Variants in SBNO2 observed in about 807,000 individuals in gnomAD.
SBNO2 encodes strawberry notch homolog 2.
A neutral mutation model predicts 146.3 loss-of-function variants in SBNO2; 89 were observed. The ratio of observed to expected loss-of-function variants is 0.61; its 90% CI spans 0.51 to 0.73. The LOEUF is 0.73. Ranked by LOEUF, SBNO2 falls within the 30% of genes least tolerant of loss-of-function variation. The pLI, the probability that SBNO2 is intolerant of heterozygous loss-of-function variation, is 0.00. For missense variants in SBNO2, 2,092 were observed against 2,003.7 expected (o/e 1.04, Z -0.84); for synonymous variants, 1,147 against 892.6 (o/e 1.29, Z -5.08).
intron 2 of SBNO2, 51 bp downstream of exon 2, chr19:1,154,133 C>T: frequency 2.2e-6 from 2 of 927,442 alleles, no homozygotes; most frequent in Non-Finnish European, 1.4e-6. Flanking sequence ...CGGAGCGGGG[C>T]AAGTGCCCGT....
chr19:1,146,991 G>A (rs988395218), intron 4 of SBNO2, among the ~76,000 whole-genome samples: 2 of 152,170 alleles, frequency 1.3e-5, no homozygotes, highest in African/African-American at 2.4e-5. Flanking sequence ...GGCCGTGGGG[G>A]CAAAGGCTGC....
Position 1,150,374 on chromosome 19 carries a change from C to A in SBNO2, c.94-932G>T, listed in dbSNP as rs2080231014. Among the ~76,000 whole-genome samples the A allele has an allele frequency of 6.6e-6, 1 of 152,106 alleles. No individual in the cohort carries two copies. Among genetic ancestry groups the A allele is most frequent in the Non-Finnish European group, 1.5e-5 (1 of 67,976 alleles). On this transcript the variant is annotated intron_variant, in intron 2 of 31. Transcript: ENST00000361757. The surrounding 1 kb of genome is among the most constrained non-coding windows in gnomAD (Gnocchi z 6.2). The stretch of plus-strand genomic sequence containing the variant: ...CACCTCGTGCCCTGCAGAATGGGCA[C>A]CCCTCAGCAGGGCCCCCACCTGCAC...
chr19:1,166,633 AC>A (rs1388819932), intron 1 of SBNO2, among the ~76,000 whole-genome samples: 6 of 151,888 alleles, frequency 4.0e-5, no homozygotes, highest in Non-Finnish European at 8.8e-5. Flanking sequence ...ACACACACAC[AC>A]ACACACACAC....
chr19:1,167,863 G>A (rs2080441026), intron 1 of SBNO2, among the ~76,000 whole-genome samples: 1 of 152,210 alleles, frequency 6.6e-6, no homozygotes, highest in African/African-American at 2.4e-5. Flanking sequence ...GCCGGCCACT[G>A]AGTACGGGAG....
At chr19:1,154,567 C>T (rs1239012266) in intron 1 of SBNO2, among the ~76,000 whole-genome samples, 165 bp from the exon 2 acceptor site, 1 of 152,184 alleles carries the variant, frequency 6.6e-6, no homozygotes, top group Non-Finnish European at 1.5e-5. Flanking sequence ...CTCACCCCCA[C>T]CCGCCATCAG....
chr19:1,117,712 C>T (rs978145497), intron 14 of SBNO2, among the ~76,000 whole-genome samples: 39 of 152,272 alleles, frequency 2.6e-4, no homozygotes, highest in African/African-American at 9.2e-4. Flanking sequence ...GTGGGGAAGC[C>T]GTGCTGCAAA....
Position 1,173,142 on chromosome 19 carries a change from C to G in SBNO2, c.-127+1030G>C, listed in dbSNP as rs2080497860. On this transcript the variant is annotated intron_variant, in intron 1 of 31. Transcript: ENST00000361757. This position sits in a 1 kb window ranked among gnomAD's most constrained non-coding sequence, Gnocchi z 4.7. ...CCTGCCCCCCACGCCCCAGGTCAGT[C>G]TGGGGATTGGTCCCTCCAGGCCCCA... 6.6e-6 allele frequency among the ~76,000 whole-genome samples: 1 copy of G among 152,166 alleles called. No individual in the cohort carries two copies. The highest frequency in any genetic ancestry group is 2.4e-5 in the African/African-American group (1 of 41,446).
intron 1 of SBNO2, among the ~76,000 whole-genome samples, chr19:1,161,821 G>T (rs1022452229): frequency 2.7e-5 from 4 of 150,802 alleles, no homozygotes; most frequent in Non-Finnish European, 4.4e-5. Flanking sequence ...GGGTGTCATG[G>T]CTCTGCTGTC....
At chr19:1,174,017 G>C (rs2080506818) in intron 1 of SBNO2, among the ~76,000 whole-genome samples, 155 bp downstream of exon 1, 1 of 150,350 alleles carries the variant, frequency 6.7e-6, no homozygotes, top group South Asian at 2.1e-4. Context: ...CGCGGCGGAG[G>C]GCGGGGGTCC....
chr19:1,116,202 C>G, intron 16 of SBNO2, 99 bp from the exon 17 acceptor site: 1 of 1,116,928 alleles, frequency 9.0e-7, no homozygotes, highest in Non-Finnish European at 1.3e-6. Flanking sequence ...CTGTGGGGGT[C>G]CCGGACAGGA....
chr19:1,109,850 G>C lies in SBNO2; in HGVS notation c.3029-73C>G. The stretch of plus-strand genomic sequence containing the variant: ...GGCTGGGGCCAGGGTCAGTCCCGTA[G>C]CCGGGGCGCACCCTAGAGACGACCC... On this transcript the variant is annotated intron_variant, in intron 26 of 31. Transcript: ENST00000361757. The surrounding 1 kb of genome is among the most constrained non-coding windows in gnomAD (Gnocchi z 4.2). The C allele has an allele frequency of 8.6e-7, 1 of 1,167,334 alleles. No individual in the cohort carries two copies. Among genetic ancestry groups the C allele is most frequent in the Admixed American group, 2.3e-5 (1 of 44,430 alleles). 72.3% of individuals were successfully genotyped at this position (1,167,334 alleles called of 1,614,324 possible).
intron 4 of SBNO2, chr19:1,132,014 G>A (rs1451866018): frequency 4.3e-6 from 5 of 1,175,928 alleles, no homozygotes; most frequent in South Asian, 3.2e-5. Context: ...CAGGGGGCCC[G>A]GCCGTCCTGA....
At chr19:1,135,606 G>A (rs1407477660) in intron 4 of SBNO2, among the ~76,000 whole-genome samples, 12 of 152,286 alleles carry the variant, frequency 7.9e-5, no homozygotes, top group South Asian at 6.2e-4. Flanking sequence ...CCCGTGGCCC[G>A]GTCTCTCCCT....
chr19:1,172,789 C>CCCG (rs2080493135), intron 1 of SBNO2, among the ~76,000 whole-genome samples: 1 of 101,712 alleles, frequency 9.8e-6, no homozygotes, highest in African/African-American at 5.0e-5. Flanking sequence ...CCCCCCCCGC[C>CCCG]CCGGCAAACT....
intron 1 of SBNO2, among the ~76,000 whole-genome samples, chr19:1,164,716 GGAACAGGAA>G (rs2080390977): frequency 1.1e-5 from 1 of 87,084 alleles, no homozygotes; most frequent in Non-Finnish European, 2.4e-5. Flanking sequence ...AGGAGGAGGA[GGAACAGGAA>G]GAGGAGGAGG....
intron 1 of SBNO2, among the ~76,000 whole-genome samples, chr19:1,160,286 G>T (rs1055491112): frequency 3.9e-5 from 6 of 152,166 alleles, no homozygotes; most frequent in African/African-American, 1.4e-4. Flanking sequence ...GGCCCTCATG[G>T]GCAGCCCCCC....
chr19:1,112,039 G>A lies in SBNO2; in HGVS notation c.2657C>T (p.Ala886Val). The A allele has an allele frequency of 1.2e-6, 2 of 1,612,526 alleles. No homozygotes were observed. The highest frequency in any genetic ancestry group is 1.7e-6 in the Non-Finnish European group (2 of 1,179,758). Residue 886 changes from alanine to valine, a missense_variant, in exon 23 of 32, where the codon GCC (alanine) becomes GTC (valine). Ala to Val is a moderately conservative substitution (Grantham distance 64, BLOSUM62 0). Transcript: ENST00000361757. The surrounding 1 kb of genome is among the most constrained non-coding windows in gnomAD (Gnocchi z 5.9). The stretch of plus-strand genomic sequence containing the variant: ...CTTGCTGAGGTCACGGGACTCCGTG[G>A]CGCGGCGGTCTCCGTGGGTCAGGGC... Reference protein sequence around the residue: ...LGALTHGDRRATESRDLSKYN... With the variant: ...LGALTHGDRRVTESRDLSKYN...
rs971577532 is a variant in SBNO2 at position 1,140,529 on chromosome 19, G to A, written c.279+6780C>T. On this transcript the variant is annotated intron_variant, in intron 4 of 31. Coordinates refer to ENST00000361757, the MANE Select transcript of SBNO2 (RefSeq NM_014963.3). The surrounding 1 kb of genome is among the most constrained non-coding windows in gnomAD (Gnocchi z 4.4). ...CTGGAGGGCCGGGCAAGGCACACAC[G>A]TGACACCGCGGGAGCCCCGCAGCCC... Among the ~76,000 whole-genome samples the A allele has an allele frequency of 6.6e-6, 1 of 152,114 alleles. No individual in the cohort carries two copies. The highest frequency in any genetic ancestry group is 2.4e-5 in the African/African-American group (1 of 41,430).
chr19:1,160,304 G>A (rs2080331521), intron 1 of SBNO2, among the ~76,000 whole-genome samples: 1 of 152,192 alleles, frequency 6.6e-6, no homozygotes, highest in African/African-American at 2.4e-5. Flanking sequence ...CCCACCCACT[G>A]GGTACATCCA....
Sources: gnomAD v4.1 joint callset for allele counts (sites outside exome capture counted in the v4.1 genomes callset) on GRCh38, gnomAD v4.1.1 for gene constraint, Gnocchi (gnomAD v3.1) non-coding constraint, MANE v1.5 for transcripts, NCBI Gene and HGNC (gene_info 2026-07-23, HGNC 2026-07-21) for gene names.